The following PDE2A variants were observed in gnomAD, a reference collection of about 807,000 sequenced individuals.
The protein encoded by PDE2A is phosphodiesterase 2A.
Under a neutral mutation model 133.6 loss-of-function variants are expected in PDE2A, and 53 were observed. The ratio of observed to expected loss-of-function variants is 0.40; its 90% CI spans 0.32 to 0.50. The LOEUF (loss-of-function observed/expected upper bound fraction) is 0.50, where lower values mean the gene tolerates loss of function less well. Ranked by LOEUF, PDE2A falls within the 20% of genes least tolerant of loss-of-function variation. The pLI is 0.73. For missense variants in PDE2A, 796 were observed against 1,232.4 expected, an observed-to-expected ratio of 0.65 and a Z score of 5.30; for synonymous variants, 491 against 490.2, an observed-to-expected ratio of 1.00 and a Z score of -0.02.
intron 1 of PDE2A, among the ~76,000 whole-genome samples, chr11:72,667,551 G>T (rs916069561): frequency 2.0e-5 from 3 of 152,138 alleles, no homozygotes; most frequent in African/African-American, 7.2e-5. Context: ...CTTCATCTCT[G>T]CCACTTGTCC....
intron 2 of PDE2A, among the ~76,000 whole-genome samples, chr11:72,620,000 A>G (rs1002385666): frequency 6.6e-6 from 1 of 152,062 alleles, no homozygotes. Context: ...AGGGACCCCA[A>G]TTCTCTGGGC....
chr11:72,582,624 C>T (rs200588072), intron 20 of PDE2A, 58 bp from the exon 21 acceptor site: 61 of 1,516,162 alleles, frequency 4.0e-5, no homozygotes, highest in Non-Finnish European at 4.5e-6. Flanking sequence ...GGTGTCTTCA[C>T]CCTCAAATTC....
chr11:72,604,547 T>C (rs562823718), intron 4 of PDE2A, among the ~76,000 whole-genome samples: 2 of 152,324 alleles, frequency 1.3e-5, no homozygotes, highest in East Asian at 3.9e-4. Flanking sequence ...CATTTAATCC[T>C]CCCCACAATC....
At chr11:72,643,874 G>A (rs1859056816) in intron 1 of PDE2A, among the ~76,000 whole-genome samples, 1 of 152,072 alleles carries the variant, frequency 6.6e-6, no homozygotes, top group Non-Finnish European at 1.5e-5. Flanking sequence ...GCTCTGGCAT[G>A]CTCTCCCCCA....
At chr11:72,648,940 G>A (rs149940886) in intron 1 of PDE2A, among the ~76,000 whole-genome samples, 1 of 152,262 alleles carries the variant, frequency 6.6e-6, no homozygotes, top group East Asian at 1.9e-4. Context: ...AGGTGGCCAC[G>A]CCTGCTTCTG....
At chr11:72,672,446 A>C (rs1295052248) in intron 1 of PDE2A, among the ~76,000 whole-genome samples, 1 of 152,128 alleles carries the variant, frequency 6.6e-6, no homozygotes, top group Non-Finnish European at 1.5e-5. Context: ...TCTGCCTCCC[A>C]AAGTGATGGG....
intron 13 of PDE2A, 34 bp from the exon 14 acceptor site, chr11:72,586,215 G>T: frequency 7.8e-7 from 1 of 1,280,480 alleles, no homozygotes; most frequent in Non-Finnish European, 1.1e-6. Context: ...CAGGAGGGAA[G>T]GGAAGACTGG....
chr11:72,649,697 T>G (rs1224652765), intron 1 of PDE2A, among the ~76,000 whole-genome samples: 1 of 152,088 alleles, frequency 6.6e-6, no homozygotes, highest in Non-Finnish European at 1.5e-5. Flanking sequence ...GCTTGCACAC[T>G]CCCAGGGACA....
intron 6 of PDE2A, among the ~76,000 whole-genome samples, chr11:72,593,779 G>A (rs550175808): frequency 1.1e-4 from 16 of 152,332 alleles, no homozygotes; most frequent in African/African-American, 3.8e-4. Flanking sequence ...CCTGCACCTG[G>A]CCAGCATATT....
At chr11:72,613,870 T>C (rs768124985) in intron 2 of PDE2A, among the ~76,000 whole-genome samples, 5 of 152,192 alleles carry the variant, frequency 3.3e-5, no homozygotes, top group Non-Finnish European at 7.3e-5. Context: ...CAGCCTCTTA[T>C]CTTCCCAGAG....
At chr11:72,658,418 GAGA>G (rs1477117290) in intron 1 of PDE2A, among the ~76,000 whole-genome samples, 1 of 152,086 alleles carries the variant, frequency 6.6e-6, no homozygotes, top group Non-Finnish European at 1.5e-5. Flanking sequence ...CAGCCTGGAG[GAGA>G]AATGCCAGAC....
At chr11:72,645,802 T>C (rs117081755) in intron 1 of PDE2A, among the ~76,000 whole-genome samples, 2,638 of 152,366 alleles carry the variant, frequency 0.017, 55 homozygotes, top group Middle Eastern at 0.044. Flanking sequence ...GAGCACATAC[T>C]GTGTGCCTCA....
chr11:72,630,997 G>T, intron 2 of PDE2A: 1 of 1,180,138 alleles, frequency 8.5e-7, no homozygotes, highest in Non-Finnish European at 1.2e-6. Flanking sequence ...CTCCCAAGGG[G>T]GAGGGCACCA....
chr11:72,663,223 G>A (rs748757984), intron 1 of PDE2A, among the ~76,000 whole-genome samples: 5 of 152,160 alleles, frequency 3.3e-5, no homozygotes, highest in Non-Finnish European at 5.9e-5. Flanking sequence ...GCACAGGCAG[G>A]GCACACCAGG....
chr11:72,666,052 C>A (rs1227709722), intron 1 of PDE2A, among the ~76,000 whole-genome samples: 4 of 152,144 alleles, frequency 2.6e-5, no homozygotes, highest in African/African-American at 9.7e-5. Context: ...CGACTTCACA[C>A]GTCCCCAGGA....
intron 22 of PDE2A, 76 bp downstream of exon 22, chr11:72,581,801 G>T: frequency 7.3e-7 from 1 of 1,365,748 alleles, no homozygotes; most frequent in Non-Finnish European, 1.0e-6. Flanking sequence ...ATCCTCTCCA[G>T]AATGCCGGGG....
At position 72,584,212 on chromosome 11, in the gene PDE2A, T is replaced by TG; in HGVS notation, c.1638dup (p.Ser547GlnfsTer13). On this transcript the variant is annotated frameshift_variant, in exon 19 of 31. Transcript: ENST00000334456. LOFTEE classifies it high-confidence loss of function. The stretch of plus-strand genomic sequence containing the variant: ...AACCCCGCCCTCACATGGGCGATGC[T>TG]GATGCCGCAGTAGATGGAGAAGGCC... The TG allele has an allele frequency of 6.5e-7, 1 of 1,547,308 alleles. No homozygotes were observed.
intron 14 of PDE2A, among the ~76,000 whole-genome samples, 159 bp downstream of exon 14, chr11:72,585,911 C>T (rs1490397956): frequency 7.2e-5 from 11 of 152,190 alleles, no homozygotes. Context: ...GGCGCGGGTC[C>T]TGAACAACTG....
chr11:72,653,392 A>G (rs1009464080), intron 1 of PDE2A, among the ~76,000 whole-genome samples: 1 of 152,216 alleles, frequency 6.6e-6, no homozygotes, highest in Admixed American at 6.5e-5. Flanking sequence ...GTGGAAAAAG[A>G]TAAGAGCTGG....
Sources: allele counts gnomAD v4.1 joint callset (sites outside exome capture counted in the v4.1 genomes callset), GRCh38; gene constraint gnomAD v4.1.1; transcripts MANE v1.5; gene names NCBI Gene and HGNC (gene_info 2026-07-23, HGNC 2026-07-21).